Variants in PNPLA7 observed in about 807,000 individuals in gnomAD.
PNPLA7 encodes the protein patatin like domain 7, lysophospholipase.
In PNPLA7, 153 loss-of-function variants were observed where a neutral mutation model predicts 161.7. The observed-to-expected ratio is 0.95, with a 90% confidence interval of 0.83 to 1.08. PNPLA7 has a LOEUF of 1.08. Ranked by LOEUF, PNPLA7 falls within the 50% of genes least tolerant of loss-of-function variation. The probability of loss-of-function intolerance (pLI) is 0.00; values close to 1 mark genes in which losing one functional copy is unlikely to be tolerated. For missense variants in PNPLA7, 1,739 were observed against 1,856.6 expected (o/e 0.94, Z 1.16); for synonymous variants, 809 against 782.1 (o/e 1.03, Z -0.57).
At chr9:137,495,709 C>T (rs1289019740) in intron 18 of PNPLA7, among the ~76,000 whole-genome samples, 1 of 152,222 alleles carries the variant, frequency 6.6e-6, no homozygotes, top group Non-Finnish European at 1.5e-5. Context: ...TCCCAAAGTG[C>T]TGGGATTACA....
At chr9:137,482,165 G>A (rs1226146895) in intron 21 of PNPLA7, among the ~76,000 whole-genome samples, 1 of 152,216 alleles carries the variant, frequency 6.6e-6, no homozygotes, top group Admixed American at 6.5e-5. Flanking sequence ...CTCACTGGAA[G>A]TCAGCTTGGT....
rs1836314361 is a variant in PNPLA7, at chr9:137,543,336, C to T, written c.506+96G>A. The T allele has an allele frequency of 6.6e-7, 1 of 1,510,892 alleles. No individual in the cohort carries two copies. The highest frequency in any genetic ancestry group is 9.1e-7 in the Non-Finnish European group (1 of 1,098,112). 93.6% of individuals were successfully genotyped at this position (1,510,892 alleles called of 1,614,324 possible). Reference sequence around the variant, plus strand: ...CCACGATGCGCTTTGCCAACCATTCCCCCAACACAAGACGGCCAAGCTGGA... The same window carrying T: ...CCACGATGCGCTTTGCCAACCATTCTCCCAACACAAGACGGCCAAGCTGGA... On this transcript the variant is annotated intron_variant, in intron 6 of 34. Transcript: ENST00000406427. The surrounding 1 kb of genome is among the most constrained non-coding windows in gnomAD (Gnocchi z 6.9).
chr9:137,518,770 G>A (rs1204496123), intron 11 of PNPLA7, among the ~76,000 whole-genome samples: 11 of 28,432 alleles, frequency 3.9e-4, no homozygotes, highest in Admixed American at 5.1e-4. Context: ...ACTCCACTCT[G>A]TCCACTCCAT....
In PNPLA7 at chr9:137,497,630, T is replaced by C. The variant is rs141269506; in HGVS notation, c.1890-320A>G. On this transcript the variant is annotated intron_variant, in intron 17 of 34. Coordinates refer to ENST00000406427, the MANE Select transcript of PNPLA7 (RefSeq NM_001098537.3). ...GCAACCTCCACCTCCCAGGTTCATG[T>C]GATTCTCCTGCCTCAGCCTCCCAGG... Among the ~76,000 whole-genome samples, 404 of 152,270 alleles carry C rather than the reference T, an allele frequency of 2.7e-3. 1 individual carries two copies. The highest frequency in any genetic ancestry group is 9.4e-3 in the African/African-American group (392 of 41,544).
rs748497169 is a variant in PNPLA7, at chr9:137,519,912, A to G, written c.1084+5T>C. Reference sequence around the variant, plus strand: ...GACATTGCCCTCCTTGGTGCAGGACAGTACCTGAGTCACAGGACTCCTGGA... The same window carrying G: ...GACATTGCCCTCCTTGGTGCAGGACGGTACCTGAGTCACAGGACTCCTGGA... On this transcript the variant is annotated splice_donor_5th_base_variant and intron_variant, in intron 11 of 34. Transcript: ENST00000406427. The G allele has an allele frequency of 3.1e-5, 50 of 1,611,492 alleles. 1 individual carries two copies. In the Middle Eastern group the frequency reaches 4.6e-3, roughly 149 times the overall value.
rs751043896 is a variant in PNPLA7, at chr9:137,515,337, C to T, written c.1225+42G>A. The T allele has an allele frequency of 1.1e-5, 18 of 1,585,270 alleles. No individual in the cohort carries two copies. In the East Asian group the frequency reaches 3.9e-4, roughly 34 times the overall value. On this transcript the variant is annotated intron_variant, in intron 12 of 34. Coordinates refer to ENST00000406427, the MANE Select transcript of PNPLA7 (RefSeq NM_001098537.3). ...CAGCCTGGGTCTCAGATGCCGAGGG[C>T]CTGTGGGTCACACTGGCTGGGCAGC...
chr9:137,534,319 G>A (rs573333127), intron 8 of PNPLA7, among the ~76,000 whole-genome samples: 3 of 150,426 alleles, frequency 2.0e-5, no homozygotes, highest in Non-Finnish European at 3.0e-5. Flanking sequence ...CTCCCCAACA[G>A]TGTCTACTCC....
At chr9:137,471,124 G>A (rs1831683546) in intron 25 of PNPLA7, among the ~76,000 whole-genome samples, 1 of 152,236 alleles carries the variant, frequency 6.6e-6, no homozygotes, top group African/African-American at 2.4e-5. Context: ...TATTGTACAG[G>A]AAGAGAAAAT....
intron 25 of PNPLA7, among the ~76,000 whole-genome samples, chr9:137,477,490 G>A (rs571901775): frequency 3.0e-4 from 45 of 151,740 alleles, no homozygotes; most frequent in African/African-American, 9.7e-4. Flanking sequence ...TCGCTCTGTC[G>A]CCAGGCTGGA....
Position 137,482,563 on chromosome 9 carries a change from G to A in PNPLA7, c.2348-1540C>T, listed in dbSNP as rs189637579. The stretch of plus-strand genomic sequence containing the variant: ...GATCGAGAACAGATCCAGGGCTGCC[G>A]GCAAGCCGGGGTGCTGGGTGACAAC... On this transcript the variant is annotated intron_variant, in intron 21 of 34. Transcript: ENST00000406427. Among the ~76,000 whole-genome samples the A allele has an allele frequency of 3.7e-4, 56 of 152,360 alleles. No homozygotes were observed. In the East Asian group the frequency reaches 9.8e-3, roughly 27 times the overall value.
At chr9:137,464,556 G>T in intron 26 of PNPLA7, 100 bp from the exon 27 acceptor site, 1 of 1,088,656 alleles carries the variant, frequency 9.2e-7, no homozygotes, top group Non-Finnish European at 1.4e-6. Flanking sequence ...ATGGAACGGG[G>T]GTCCAGAGTG....
Position 137,479,085 on chromosome 9 carries a change from C to T in PNPLA7, c.2734G>A (p.Val912Ile), listed in dbSNP as rs1368315726. The T allele has an allele frequency of 1.4e-5, 23 of 1,595,678 alleles. No individual in the cohort carries two copies. Among genetic ancestry groups the T allele is most frequent in the Middle Eastern group, 2.1e-4 (1 of 4,836 alleles). ...GHLHLCCPRR[V>I]FSRRSLPKLV... ...TTGGGCAGGCTCCTCCTGGAGAAGA[C>T]GCGGCGCGGGCAGCAGAGGTGCAGG... The change falls in exon 24 of 35, where the codon GTC (valine) becomes ATC (isoleucine). Residue 912 changes from valine (V) to isoleucine (I), a missense_variant. Physicochemically the swap from Val to Ile is conservative, Grantham distance 29. This residue lies in a region of PNPLA7 where 703 missense variants were observed against 694.6 expected (regional missense o/e 1.01). Coordinates refer to ENST00000406427, the MANE Select transcript of PNPLA7 (RefSeq NM_001098537.3).
intron 11 of PNPLA7, among the ~76,000 whole-genome samples, chr9:137,517,267 C>T (rs1296755595): frequency 1.9e-5 from 2 of 106,542 alleles, no homozygotes; most frequent in Admixed American, 1.7e-4. Flanking sequence ...CTGTCCACTC[C>T]ATCCCTCACT....
chr9:137,474,240 A>C (rs963635058), intron 25 of PNPLA7, among the ~76,000 whole-genome samples: 2 of 152,210 alleles, frequency 1.3e-5, no homozygotes, highest in Non-Finnish European at 2.9e-5. Context: ...CCCCGTCTCA[A>C]AACAAACAAA....
In PNPLA7 at chr9:137,486,318, C is replaced by T. The variant is rs79561905; in HGVS notation, c.2198-1582G>A. On this transcript the variant is annotated intron_variant, in intron 20 of 34. Transcript: ENST00000406427. The surrounding 1 kb of genome is among the most constrained non-coding windows in gnomAD (Gnocchi z 6.0). The stretch of plus-strand genomic sequence containing the variant: ...CAAGATCCTGGGATGCACACGGCGC[C>T]GTGGCAGCACTGCGGGTAAGAGCCT... Among the ~76,000 whole-genome samples the T allele has an allele frequency of 0.021, 3,141 of 152,236 alleles. 92 individuals carry two copies. Among genetic ancestry groups the T allele is most frequent in the African/African-American group, 0.071 (2,934 of 41,502 alleles).
intron 4 of PNPLA7, among the ~76,000 whole-genome samples, chr9:137,544,557 C>T (rs903810692): frequency 6.6e-6 from 1 of 152,224 alleles, no homozygotes; most frequent in Admixed American, 6.5e-5. Flanking sequence ...TGCCCTTTCA[C>T]AGCACTTAAT....
In PNPLA7 at chr9:137,478,229, G is replaced by A. The variant is rs1156566300; in HGVS notation, c.2764-77C>T. The stretch of plus-strand genomic sequence containing the variant: ...AGACCTCGCATCCTGGCTTGACTGG[G>A]GGGAGTTTCCTCCACTTCTGACCCA... On this transcript the variant is annotated intron_variant, in intron 24 of 34. Transcript: ENST00000406427. 4 of 1,121,662 alleles carry A rather than the reference G, an allele frequency of 3.6e-6. No homozygotes were observed. In the East Asian group the frequency reaches 9.7e-5, roughly 27 times the overall value. The allele number at this position is 1,121,662 out of a possible 1,614,324, so 69.5% of individuals were successfully genotyped here.
At chr9:137,509,638 ATGAGTTTAGCTGGCATGAG>A in intron 12 of PNPLA7, 1 of 409,686 alleles carries the variant, frequency 2.4e-6, no homozygotes, top group Non-Finnish European at 5.1e-6. Flanking sequence ...ACTGGCGTGA[ATGAGTTTAGCTGGCATGAG>A]TGAGTTTAGG....
intron 8 of PNPLA7, among the ~76,000 whole-genome samples, chr9:137,532,511 T>C (rs1471232894): frequency 1.3e-5 from 2 of 152,208 alleles, no homozygotes; most frequent in East Asian, 1.9e-4. Context: ...CTCTGCTCTC[T>C]TAAAAAGATA....
Sources: allele counts gnomAD v4.1 joint callset (sites outside exome capture counted in the v4.1 genomes callset), GRCh38; gene constraint gnomAD v4.1.1; regional missense constraint gnomAD v4.1.1; non-coding constraint Gnocchi (gnomAD v3.1); transcripts MANE v1.5; gene names NCBI Gene and HGNC (gene_info 2026-07-23, HGNC 2026-07-21).